The following PLA2R1 variants were observed in gnomAD, a reference collection of about 807,000 sequenced individuals.
PLA2R1 encodes phospholipase A2 receptor 1.
A neutral mutation model predicts 195.9 loss-of-function variants in PLA2R1; 158 were observed. The ratio of observed to expected loss-of-function variants is 0.81; its 90% CI spans 0.71 to 0.92. The LOEUF is 0.92. Among genes scored for constraint, PLA2R1 ranks in the 40% least tolerant of loss-of-function variants. PLA2R1 has a pLI of 0.00. For missense variants in PLA2R1, 1,626 were observed against 1,764.6 expected, an observed-to-expected ratio of 0.92 and a Z score of 1.41; for synonymous variants, 586 against 598.2, an observed-to-expected ratio of 0.98 and a Z score of 0.30.
chr2:159,990,000 T>C (rs1690651097), intron 11 of PLA2R1, among the ~76,000 whole-genome samples: 1 of 152,170 alleles, frequency 6.6e-6, no homozygotes, highest in African/African-American at 2.4e-5. Context: ...GCAGAAGTGT[T>C]ATTGGTATTC....
At chr2:160,002,114 C>T (rs1382985354) in intron 11 of PLA2R1, among the ~76,000 whole-genome samples, 2 of 151,594 alleles carry the variant, frequency 1.3e-5, no homozygotes, top group Non-Finnish European at 3.0e-5. Context: ...TATTTCTTGA[C>T]CACAGTGCAA....
At chr2:159,990,455 T>C (rs186399305) in intron 11 of PLA2R1, among the ~76,000 whole-genome samples, 127 of 152,282 alleles carry the variant, frequency 8.3e-4, no homozygotes, top group Non-Finnish European at 7.6e-4. Flanking sequence ...TTCAAATACC[T>C]AAAAACAAAC....
chr2:159,969,677 G>C (rs1017247742), intron 18 of PLA2R1, among the ~76,000 whole-genome samples: 24 of 151,976 alleles, frequency 1.6e-4, no homozygotes, highest in African/African-American at 5.8e-4. Context: ...CAAGTAGCTG[G>C]GTCTACAGGT....
intron 1 of PLA2R1, among the ~76,000 whole-genome samples, chr2:160,056,662 T>C (rs1037257167): frequency 1.3e-5 from 2 of 152,266 alleles, no homozygotes. Flanking sequence ...AATCTTCCTA[T>C]TGGGACTGAC....
At chr2:159,942,096 A>G in intron 29 of PLA2R1, 31 bp downstream of exon 29, 2 of 1,603,834 alleles carry the variant, frequency 1.2e-6, no homozygotes, top group Middle Eastern at 1.7e-4. Context: ...TCTAAGAAAA[A>G]TCAAAATGTT....
intron 1 of PLA2R1, among the ~76,000 whole-genome samples, chr2:160,058,852 G>A (rs2105718160): frequency 6.6e-6 from 1 of 152,162 alleles, no homozygotes; most frequent in African/African-American, 2.4e-5. Context: ...GGTGGGGTGG[G>A]GGATGGTTTT....
At chr2:159,947,028 T>G (rs1157482470) in intron 26 of PLA2R1, 111 bp from the exon 27 acceptor site, 5 of 720,810 alleles carry the variant, frequency 6.9e-6, no homozygotes, top group Non-Finnish European at 1.1e-5. Context: ...AAGTGAAAAT[T>G]TCCATTATAA....
rs1393447703 is a variant in PLA2R1 at position 159,947,446 on chromosome 2, C to A, written c.3823G>T (p.Ala1275Ser). 1.2e-6 allele frequency: 2 copies of A among 1,605,186 alleles called. No homozygotes were observed. The highest frequency in any genetic ancestry group is 8.5e-7 in the Non-Finnish European group (1 of 1,177,546). Residue 1275 changes from alanine (A) to serine (S), a missense_variant, in exon 26 of 30, where the codon GCT becomes TCT. Transcript: ENST00000283243. ...TCCTTTTTGCAAAATTCATGAGCAG[C>A]CTCAAAACTCATACTGTCTAGGACT... ...STVLDSMSFEAAHEFCKKEGS... is the reference protein window; with the variant it reads ...STVLDSMSFESAHEFCKKEGS...
chr2:160,022,736 G>A lies in PLA2R1; in HGVS notation c.1223C>T (p.Ala408Val). Reference sequence around the variant, plus strand: ...TATGTCTATTAATGCACTGTTATCAGCCTGACAAGAACGCAGAGCCTCATG... The same window carrying A: ...TATGTCTATTAATGCACTGTTATCAACCTGACAAGAACGCAGAGCCTCATG... ...TWHEALRSCQ[A>V]DNSALIDITS... is the part of the protein sequence containing the mutation. Residue 408 changes from alanine (A) to valine (V), a missense_variant, in exon 7 of 30, where the codon GCT (alanine) becomes GTT (valine). Transcript: ENST00000283243. 6.2e-7 allele frequency: 1 copy of A among 1,613,612 alleles called. No homozygotes were observed. The highest frequency in any genetic ancestry group is 1.1e-5 in the South Asian group (1 of 91,062).
At chr2:159,959,236 A>G (rs1221841270) in intron 20 of PLA2R1, among the ~76,000 whole-genome samples, 1 of 152,182 alleles carries the variant, frequency 6.6e-6, no homozygotes, top group African/African-American at 2.4e-5. Context: ...GTGTTCAGAT[A>G]GTTACACTAA....
In PLA2R1 at chr2:160,044,998, A is replaced by G; in HGVS notation, c.269T>C (p.Leu90Pro). 6.2e-7 allele frequency: 1 copy of G among 1,614,098 alleles called. No homozygotes were observed. The highest frequency in any genetic ancestry group is 2.2e-5 in the East Asian group (1 of 44,888). Residue 90 changes from leucine (L) to proline (P), a missense_variant, in exon 2 of 30, where the codon CTG becomes CCG. By Grantham distance (98) the Leu-to-Pro change is moderately conservative. Coordinates refer to ENST00000283243, the MANE Select transcript of PLA2R1 (RefSeq NM_007366.5). ...GLFNIGGSGC[L>P]GLNFSAPEQP... Reference sequence around the variant, plus strand: ...CTCTGGGGCGGAGAAATTCAGGCCCAGGCAACCACTGCCTCCTATGTTAAA... The same window carrying G: ...CTCTGGGGCGGAGAAATTCAGGCCCGGGCAACCACTGCCTCCTATGTTAAA...
downstream of PLA2R1, among the ~76,000 whole-genome samples, chr2:159,931,124 C>T (rs1384439323): frequency 6.6e-6 from 1 of 152,230 alleles, no homozygotes; most frequent in African/African-American, 2.4e-5. Context: ...ATAAGGCAGT[C>T]CAGGCTGCTC....
At chr2:160,014,552 A>C (rs569213764) in intron 9 of PLA2R1, among the ~76,000 whole-genome samples, 1 of 152,232 alleles carries the variant, frequency 6.6e-6, no homozygotes, top group Non-Finnish European at 1.5e-5. Context: ...ATCTATTTTA[A>C]TTTATTCACC....
Position 159,963,370 on chromosome 2 carries a change from G to A in PLA2R1, c.2904+4169C>T, listed in dbSNP as rs192528827. Among the ~76,000 whole-genome samples, 500 of 152,180 alleles carry A rather than the reference G, an allele frequency of 3.3e-3. 3 individuals are homozygous for A. Among genetic ancestry groups the A allele is most frequent in the Non-Finnish European group, 5.5e-3 (373 of 68,000 alleles). ...GTATGATACCAAAAGCACAAGTGACGGAAGAAAAAGTAGATAACTGGGTTT... is the reference window on the plus strand; with the variant it reads ...GTATGATACCAAAAGCACAAGTGACAGAAGAAAAAGTAGATAACTGGGTTT... On this transcript the variant is annotated intron_variant, in intron 20 of 29. Transcript: ENST00000283243.
Position 159,992,887 on chromosome 2 carries a change from A to G in PLA2R1, c.1835-5529T>C, listed in dbSNP as rs1275012745. On this transcript the variant is annotated intron_variant, in intron 11 of 29. Transcript: ENST00000283243. The stretch of plus-strand genomic sequence containing the variant: ...GTTGAACATGCCCCGGAGTCATCCC[A>G]TATGAATGAAACACGCCAGGGGTAT... Among the ~76,000 whole-genome samples, 9 of 152,280 alleles carry G rather than the reference A, an allele frequency of 5.9e-5. No individual in the cohort carries two copies. In the East Asian group the frequency reaches 1.7e-3, roughly 29 times the overall value.
intron 12 of PLA2R1, 85 bp downstream of exon 12, chr2:159,987,071 C>A: frequency 5.7e-6 from 6 of 1,059,756 alleles, no homozygotes; most frequent in Non-Finnish European, 7.2e-6. Context: ...AAAAAAGGGC[C>A]CCGGAATAAA....
At chr2:159,960,572 C>A (rs1216572091) in intron 20 of PLA2R1, among the ~76,000 whole-genome samples, 1 of 152,178 alleles carries the variant, frequency 6.6e-6, no homozygotes, top group Non-Finnish European at 1.5e-5. Context: ...GCAGCCATTA[C>A]CACTCAATCC....
downstream of PLA2R1, among the ~76,000 whole-genome samples, chr2:159,928,601 C>A (rs554977418): frequency 3.3e-5 from 5 of 152,214 alleles, no homozygotes; most frequent in South Asian, 8.3e-4. Context: ...TCTACAAATT[C>A]AATGCATTTC....
chr2:160,056,351 C>T (rs1695543261), intron 1 of PLA2R1, among the ~76,000 whole-genome samples: 1 of 152,156 alleles, frequency 6.6e-6, no homozygotes, highest in Non-Finnish European at 1.5e-5. Context: ...GAGTCCCAAA[C>T]TCTACTCGAC....
Sources: allele counts gnomAD v4.1 joint callset (sites outside exome capture counted in the v4.1 genomes callset), GRCh38; gene constraint gnomAD v4.1.1; transcripts MANE v1.5; gene names NCBI Gene and HGNC (gene_info 2026-07-23, HGNC 2026-07-21).